ARSG: variants seen among roughly 807,000 people sequenced by gnomAD.
ARSG encodes arylsulfatase G, also known as ASG.
Under a neutral mutation model 50.5 loss-of-function variants are expected in ARSG, and 37 were observed. That is an observed-to-expected ratio of 0.73 (90% CI 0.56 to 0.96). The LOEUF (loss-of-function observed/expected upper bound fraction) is 0.96. ARSG is among the 50% of genes least tolerant of loss of function. ARSG has a pLI of 0.00. For synonymous variants in ARSG, 225 were observed against 254.6 expected, an observed-to-expected ratio of 0.88 and a Z score of 1.11; for missense variants, 629 against 675.3, an observed-to-expected ratio of 0.93 and a Z score of 0.76.
chr17:68,422,428 CA>C (rs141137787), downstream of ARSG: 4,973 of 105,866 alleles, frequency 0.047, 195 homozygotes, highest in East Asian at 0.2. Context: ...GACTCCATCT[CA>C]AAAAAAAAAA....
chr17:68,412,480 C>T (rs1232240358), intron 11 of ARSG, among the ~76,000 whole-genome samples: 5 of 152,260 alleles, frequency 3.3e-5, no homozygotes, highest in Middle Eastern at 3.4e-3. Context: ...GAGTTTCTGC[C>T]GAAAGATCCA....
At chr17:68,430,126 TG>T in the ARSG span, 12 of 1,614,044 alleles carry the variant, frequency 7.4e-6, no homozygotes, top group Non-Finnish European at 1.0e-5. Flanking sequence ...ATCTTTCCCA[TG>T]TAGCCACTCC....
At chr17:68,346,850 AGGCTCAG>A in intron 3 of ARSG, 1 of 1,395,336 alleles carries the variant, frequency 7.2e-7, no homozygotes, top group Non-Finnish European at 9.5e-7. Context: ...TGAGGGGCAG[AGGCTCAG>A]GCTTCTCCGG....
downstream of ARSG, among the ~76,000 whole-genome samples, chr17:68,424,971 T>C (rs375611996): frequency 2.7e-4 from 41 of 152,348 alleles, no homozygotes; most frequent in African/African-American, 9.6e-4. Flanking sequence ...GAGCGGTCTA[T>C]ATGTTACTCC....
At chr17:68,329,388 T>C (rs961095405) in intron 2 of ARSG, among the ~76,000 whole-genome samples, 4 of 152,172 alleles carry the variant, frequency 2.6e-5, no homozygotes, top group African/African-American at 9.7e-5. Flanking sequence ...TTTGTGCCCC[T>C]TTCCAAGGAC....
intron 11 of ARSG, among the ~76,000 whole-genome samples, chr17:68,416,074 G>A (rs2082348712): frequency 6.6e-6 from 1 of 151,982 alleles, no homozygotes; most frequent in Admixed American, 6.6e-5. Flanking sequence ...TTGCCCATGT[G>A]CCTTGGTTTT....
the ARSG span, among the ~76,000 whole-genome samples, chr17:68,432,405 T>C: frequency 6.6e-6 from 1 of 152,202 alleles, no homozygotes; most frequent in African/African-American, 2.4e-5. Flanking sequence ...CACCTCTCTT[T>C]CAGCCTTGTG....
At position 68,293,643 on chromosome 17, in the gene ARSG, A is replaced by G. The variant is rs546873821; in HGVS notation, c.-552+2075A>G. Among the ~76,000 whole-genome samples the G allele has an allele frequency of 1.5e-4, 23 of 152,306 alleles. 1 individual carries two copies. In the South Asian group the frequency reaches 4.8e-3, roughly 32 times the overall value. On this transcript the variant is annotated intron_variant, in intron 1 of 11. Coordinates refer to ENST00000621439, the MANE Select transcript of ARSG (RefSeq NM_001267727.2). ...GTAATGCAATGTTAACCGCATCAGT[A>G]ACCTTCTGTAGTTGACACTCATTAT...
chr17:68,386,721 C>A (rs1205002540), intron 9 of ARSG, among the ~76,000 whole-genome samples: 1 of 152,154 alleles, frequency 6.6e-6, no homozygotes. Flanking sequence ...CAAGTGTTCA[C>A]GGGCCAGGCT....
chr17:68,433,783 T>G, the ARSG span, among the ~76,000 whole-genome samples: 8 of 85,900 alleles, frequency 9.3e-5, 1 homozygote, highest in African/African-American at 2.8e-4. Context: ...TTTTTTTTTT[T>G]TTTTTTTTTT....
chr17:68,333,166 C>A (rs982048814), intron 2 of ARSG, among the ~76,000 whole-genome samples: 20 of 151,962 alleles, frequency 1.3e-4, no homozygotes, highest in African/African-American at 4.1e-4. Context: ...ACAACAACAA[C>A]AAAAAATTAG....
At chr17:68,262,287 C>G (rs539243900) in intron 1 of ARSG, among the ~76,000 whole-genome samples, 2 of 151,584 alleles carry the variant, frequency 1.3e-5, no homozygotes, top group Non-Finnish European at 2.9e-5. Context: ...CTGGCTAACA[C>G]GGTGAAACTC....
intron 8 of ARSG, among the ~76,000 whole-genome samples, chr17:68,373,173 A>G (rs1394531509): frequency 6.6e-6 from 1 of 151,510 alleles, no homozygotes; most frequent in African/African-American, 2.4e-5. Flanking sequence ...TCGGCCTCCC[A>G]AAGTGCTGGG....
the ARSG span, chr17:68,450,618 C>T: frequency 0.03 from 41,782 of 1,394,276 alleles, 771 homozygotes; most frequent in Non-Finnish European, 0.036. Context: ...TTAACATTCT[C>T]ATTAGAATTG....
At chr17:68,278,155 A>T (rs1741472019) in intron 1 of ARSG, 1 of 1,614,178 alleles carries the variant, frequency 6.2e-7, no homozygotes, top group Non-Finnish European at 8.5e-7. Flanking sequence ...GATTCATTAA[A>T]ACTGTCCATT....
the ARSG span, among the ~76,000 whole-genome samples, chr17:68,442,479 A>G: frequency 1.3e-5 from 2 of 151,968 alleles, no homozygotes; most frequent in African/African-American, 4.8e-5. Flanking sequence ...AAAAAAAAAA[A>G]AAAAGGAGAA....
At chr17:68,361,120 C>T (rs118091645) in intron 6 of ARSG, among the ~76,000 whole-genome samples, 3,061 of 152,156 alleles carry the variant, frequency 0.02, 160 homozygotes, top group Admixed American at 0.099. Context: ...CTACCGTGCC[C>T]GGCCTGAAAT....
At chr17:68,404,385 C>T (rs1156410052) in intron 11 of ARSG, among the ~76,000 whole-genome samples, 1 of 152,164 alleles carries the variant, frequency 6.6e-6, no homozygotes, top group African/African-American at 2.4e-5. Context: ...GTGAAAGGCC[C>T]AGATCTATAA....
chr17:68,420,516 C>T lies in ARSG; in HGVS notation c.*53C>T. The T allele has an allele frequency of 6.4e-7, 1 of 1,573,024 alleles. No individual in the cohort carries two copies. The highest frequency in any genetic ancestry group is 8.7e-7 in the Non-Finnish European group (1 of 1,152,236). On this transcript the variant is annotated 3_prime_UTR_variant, in exon 12 of 12. Coordinates refer to ENST00000621439, the MANE Select transcript of ARSG (RefSeq NM_001267727.2). Reference sequence around the variant, plus strand: ...AGTACCTGGAAATTAGGCAAGTTTGCTTCCAAATTTCATTTTTACCCTCTT... The same window carrying T: ...AGTACCTGGAAATTAGGCAAGTTTGTTTCCAAATTTCATTTTTACCCTCTT...
Sources: gnomAD v4.1 joint callset for allele counts (sites outside exome capture counted in the v4.1 genomes callset) on GRCh38, gnomAD v4.1.1 for gene constraint, MANE v1.5 for transcripts, NCBI Gene and HGNC (gene_info 2026-07-23, HGNC 2026-07-21) for gene names.